ANKS1B: variants seen among roughly 807,000 people sequenced by gnomAD.
The protein encoded by ANKS1B is ankyrin repeat and sterile alpha motif domain containing 1B.
Under a neutral mutation model 148.3 loss-of-function variants are expected in ANKS1B, and 36 were observed. That is an observed-to-expected ratio of 0.24 (90% CI 0.19 to 0.32). The LOEUF (loss-of-function observed/expected upper bound fraction) is 0.32. ANKS1B is among the 10% of genes least tolerant of loss of function. The pLI is 1.00. For synonymous variants in ANKS1B, 542 were observed against 560.8 expected, an observed-to-expected ratio of 0.97 and a Z score of 0.47; for missense variants, 1,157 against 1,542.6, an observed-to-expected ratio of 0.75 and a Z score of 4.19.
At chr12:99,244,242 G>T in intron 14 of ANKS1B, 100 bp downstream of exon 14, 1 of 762,374 alleles carries the variant, frequency 1.3e-6, no homozygotes, top group Non-Finnish European at 2.1e-6. Flanking sequence ...TGTAGTTATT[G>T]TTATAATGAA....
At chr12:98,961,547 T>G (rs2099871448) in intron 17 of ANKS1B, among the ~76,000 whole-genome samples, 1 of 151,192 alleles carries the variant, frequency 6.6e-6, no homozygotes. Flanking sequence ...CATCTGAAGG[T>G]GCAAAAAACT....
At chr12:99,318,906 T>C (rs1229964702) in intron 12 of ANKS1B, among the ~76,000 whole-genome samples, 15 of 152,216 alleles carry the variant, frequency 9.9e-5, no homozygotes, top group Non-Finnish European at 1.5e-5. Context: ...ACATCTTTAT[T>C]TCTGCCTTCA....
intron 17 of ANKS1B, among the ~76,000 whole-genome samples, chr12:98,873,306 C>G (rs1259690323): frequency 6.6e-6 from 1 of 152,118 alleles, no homozygotes; most frequent in Non-Finnish European, 1.5e-5. Flanking sequence ...AGGGACTTAC[C>G]TTTGTGGTCA....
chr12:99,677,649 T>C (rs183841732), intron 8 of ANKS1B, among the ~76,000 whole-genome samples: 94 of 152,298 alleles, frequency 6.2e-4, no homozygotes, highest in Admixed American at 3.7e-3. Context: ...TAATTCTGAA[T>C]AAATTCTCCA....
At chr12:98,940,414 C>T in intron 17 of ANKS1B, among the ~76,000 whole-genome samples, 1 of 152,164 alleles carries the variant, frequency 6.6e-6, no homozygotes, top group Non-Finnish European at 1.5e-5. Context: ...CTCCTTTCTT[C>T]TATCTCTAAC....
intron 17 of ANKS1B, among the ~76,000 whole-genome samples, chr12:98,844,616 G>T (rs2099434895): frequency 6.6e-6 from 1 of 152,190 alleles, no homozygotes; most frequent in South Asian, 2.1e-4. Flanking sequence ...AGCACTTGAT[G>T]AAGTCTTTCA....
chr12:98,763,771 T>A (rs1377693605), intron 25 of ANKS1B, among the ~76,000 whole-genome samples: 1 of 152,216 alleles, frequency 6.6e-6, no homozygotes, highest in Admixed American at 6.5e-5. Flanking sequence ...ATAAGTTCCT[T>A]TTTTGCGCAA....
intron 10 of ANKS1B, among the ~76,000 whole-genome samples, chr12:99,449,892 CATCTATCTATCT>C (rs55765630): frequency 0.49 from 71,681 of 147,746 alleles, 17,329 homozygotes; most frequent in African/African-American, 0.54. Flanking sequence ...AGGATCTATC[CATCTATCTATCT>C]ATCTATCTAT....
intron 12 of ANKS1B, among the ~76,000 whole-genome samples, chr12:99,398,699 C>G (rs747419831): frequency 6.6e-6 from 1 of 152,110 alleles, no homozygotes; most frequent in Non-Finnish European, 1.5e-5. Flanking sequence ...CTAATAGCTA[C>G]TGAAACAACC....
chr12:99,398,521 T>C (rs1030233361), intron 12 of ANKS1B, among the ~76,000 whole-genome samples: 1 of 152,172 alleles, frequency 6.6e-6, no homozygotes, highest in South Asian at 2.1e-4. Context: ...ATTGTTTACT[T>C]ACATGAAAGT....
intron 14 of ANKS1B, among the ~76,000 whole-genome samples, chr12:99,207,483 A>C (rs1022601147): frequency 2.6e-5 from 4 of 152,166 alleles, no homozygotes; most frequent in Non-Finnish European, 5.9e-5. Flanking sequence ...TTTTTATATC[A>C]TATAGAAGAG....
intron 17 of ANKS1B, among the ~76,000 whole-genome samples, chr12:98,938,021 C>T (rs537694956): frequency 6.6e-6 from 1 of 152,242 alleles, no homozygotes; most frequent in African/African-American, 2.4e-5. Context: ...CACCTCTTAC[C>T]AGGTTCTTCC....
chr12:99,839,099 G>C (rs930470354), intron 1 of ANKS1B, among the ~76,000 whole-genome samples: 1 of 152,090 alleles, frequency 6.6e-6, no homozygotes, highest in South Asian at 2.1e-4. Context: ...AGTCAGACCA[G>C]GCACAGTAGC....
At chr12:98,831,953 T>A in intron 18 of ANKS1B, 76 bp downstream of exon 18, 1 of 1,364,884 alleles carries the variant, frequency 7.3e-7, no homozygotes. Context: ...GGTCTCACCA[T>A]GTTGGCCAGG....
At chr12:99,126,261 T>C (rs1236201668) in intron 15 of ANKS1B, among the ~76,000 whole-genome samples, 1 of 152,130 alleles carries the variant, frequency 6.6e-6, no homozygotes, top group Non-Finnish European at 1.5e-5. Context: ...CACAGTGTCA[T>C]ACAGTGCTTT....
At chr12:99,928,077 T>C (rs1244989689) in intron 1 of ANKS1B, among the ~76,000 whole-genome samples, 1 of 151,970 alleles carries the variant, frequency 6.6e-6, no homozygotes, top group Non-Finnish European at 1.5e-5. Context: ...AAACACTTAA[T>C]TATGAAGTAG....
chr12:99,169,705 G>A (rs557384068), intron 14 of ANKS1B, among the ~76,000 whole-genome samples: 3 of 152,110 alleles, frequency 2.0e-5, no homozygotes, highest in Non-Finnish European at 4.4e-5. Context: ...TATTCTAAAC[G>A]TTCTACATGT....
chr12:99,840,509 TTAC>T (rs1204290811), intron 1 of ANKS1B, among the ~76,000 whole-genome samples: 3 of 151,976 alleles, frequency 2.0e-5, no homozygotes, highest in Non-Finnish European at 4.4e-5. Context: ...AGTTAGGAAA[TTAC>T]TATAGTAATG....
chr12:99,626,028 T>C (rs2098109639), intron 9 of ANKS1B, among the ~76,000 whole-genome samples: 1 of 152,148 alleles, frequency 6.6e-6, no homozygotes, highest in Non-Finnish European at 1.5e-5. Flanking sequence ...TCTGTGATCA[T>C]CAACTAAAAG....
Sources: allele counts gnomAD v4.1 joint callset (sites outside exome capture counted in the v4.1 genomes callset), GRCh38; gene constraint gnomAD v4.1.1; transcripts MANE v1.5; gene names NCBI Gene and HGNC (gene_info 2026-07-23, HGNC 2026-07-21).